MBTD1: variants seen among roughly 807,000 people sequenced by gnomAD.
MBTD1 encodes MBT domain-containing protein 1.
Under a neutral mutation model 87.8 loss-of-function variants are expected in MBTD1, and 24 were observed. That is an observed-to-expected ratio of 0.27 (90% CI 0.20 to 0.38). MBTD1 has a LOEUF of 0.38. Ranked by LOEUF, MBTD1 falls within the 10% of genes least tolerant of loss-of-function variation. MBTD1 has a pLI of 1.00. For synonymous variants in MBTD1, 237 were observed against 248.6 expected, an observed-to-expected ratio of 0.95 and a Z score of 0.44; for missense variants, 436 against 760.2, an observed-to-expected ratio of 0.57 and a Z score of 5.02.
At chr17:51,257,983 T>C (rs928691717) in intron 2 of MBTD1, among the ~76,000 whole-genome samples, 3 of 149,680 alleles carry the variant, frequency 2.0e-5, no homozygotes, top group African/African-American at 5.0e-5. Flanking sequence ...TAGAAGCTAC[T>C]TGTTATTCAG....
rs56750454 is a variant in MBTD1 at position 51,179,484 on chromosome 17, TTATATATATATATATATATATA to T, written c.*1070_*1091del. ...ATCCTGAATACAATTAAAGACAATTTTATATATATATATATATATATATATATATATATATATATATATATAT... is the reference window on the plus strand; with the variant it reads ...ATCCTGAATACAATTAAAGACAATTTTATATATATATATATATATATATAT... On this transcript the variant is annotated 3_prime_UTR_variant, in exon 17 of 17. Transcript: ENST00000586178. The T allele has an allele frequency of 0.013, 453 of 35,326 alleles. 30 individuals carry two copies. Among genetic ancestry groups the T allele is most frequent in the Non-Finnish European group, 0.019 (329 of 17,032 alleles). The allele number at this position is 35,326 out of a possible 1,614,324, so 2.2% of individuals were successfully genotyped here. A position where few individuals can be genotyped will look rare whatever the true frequency, so the allele number is the denominator to read the frequency against.
intron 12 of MBTD1, among the ~76,000 whole-genome samples, chr17:51,197,111 T>G (rs1240281247): frequency 1.8e-5 from 1 of 54,888 alleles, no homozygotes; most frequent in Non-Finnish European, 3.8e-5. Flanking sequence ...TATATATATA[T>G]ATATATGGAG....
At chr17:51,258,953 G>A (rs952662428) in intron 2 of MBTD1, among the ~76,000 whole-genome samples, 190 bp downstream of exon 2, 6 of 152,156 alleles carry the variant, frequency 3.9e-5, no homozygotes, top group Non-Finnish European at 5.9e-5. Flanking sequence ...TGAGCAGTGG[G>A]TGGGTGAGGA....
chr17:51,203,766 C>T (rs778351678), intron 8 of MBTD1, 25 bp downstream of exon 8: 39 of 1,593,178 alleles, frequency 2.4e-5, no homozygotes, highest in Non-Finnish European at 3.2e-5. Context: ...AAAAAAATTA[C>T]GGTAAGGGTA....
chr17:51,244,744 G>T (rs1257199479), intron 2 of MBTD1, among the ~76,000 whole-genome samples: 1 of 151,334 alleles, frequency 6.6e-6, no homozygotes, highest in African/African-American at 2.4e-5. Flanking sequence ...TCTTTTTTTT[G>T]AGGAATTCCT....
chr17:51,217,972 C>G (rs1262961381), intron 5 of MBTD1, among the ~76,000 whole-genome samples: 1 of 152,138 alleles, frequency 6.6e-6, no homozygotes, highest in African/African-American at 2.4e-5. Context: ...TTAAGGGGAA[C>G]AAAGAGAAGT....
At chr17:51,249,187 G>C (rs753627114) in intron 2 of MBTD1, among the ~76,000 whole-genome samples, 2 of 152,184 alleles carry the variant, frequency 1.3e-5, no homozygotes, top group Non-Finnish European at 2.9e-5. Context: ...CTGAGGCAGG[G>C]AGGTCAAGGC....
intron 6 of MBTD1, among the ~76,000 whole-genome samples, chr17:51,212,438 C>CTTT (rs59653419): frequency 7.3e-6 from 1 of 136,262 alleles, no homozygotes; most frequent in Non-Finnish European, 1.6e-5. Flanking sequence ...GTACAAATGA[C>CTTT]TTTTTTTTTT....
chr17:51,203,123 A>AT lies in MBTD1; in HGVS notation c.828+16_828+17insA. 6.3e-7 allele frequency: 1 copy of AT among 1,584,108 alleles called. No homozygotes were observed. Among genetic ancestry groups the AT allele is most frequent in the Non-Finnish European group, 8.6e-7 (1 of 1,162,804 alleles). ...TTTTTTAGAGCTCTTCAGTCTTTAT[A>AT]AGATCCTGTTTTTTACCTTTTGGGA... On this transcript the variant is annotated intron_variant, in intron 9 of 16. Coordinates refer to ENST00000586178, the MANE Select transcript of MBTD1 (RefSeq NM_017643.3).
chr17:51,190,185 C>T (rs1200810148), intron 16 of MBTD1, among the ~76,000 whole-genome samples: 1 of 152,206 alleles, frequency 6.6e-6, no homozygotes, highest in African/African-American at 2.4e-5. Context: ...TGAGGCAAAT[C>T]AGCACGTACC....
intron 16 of MBTD1, among the ~76,000 whole-genome samples, chr17:51,189,065 G>GT (rs934831603): frequency 6.6e-6 from 1 of 151,966 alleles, no homozygotes; most frequent in East Asian, 1.9e-4. Context: ...GCCTCAGGAA[G>GT]TTTTTTTAAA....
chr17:51,233,612 A>G (rs565801086), intron 2 of MBTD1, among the ~76,000 whole-genome samples: 1 of 152,272 alleles, frequency 6.6e-6, no homozygotes, highest in East Asian at 1.9e-4. Flanking sequence ...TCCAAAATCC[A>G]ATTAAGAGAT....
chr17:51,192,373 C>T, intron 15 of MBTD1, 93 bp from the exon 16 acceptor site: 2 of 879,838 alleles, frequency 2.3e-6, no homozygotes, highest in East Asian at 2.7e-5. Flanking sequence ...ACTATCTTTA[C>T]CAAGACCATT....
intron 3 of MBTD1, among the ~76,000 whole-genome samples, chr17:51,221,619 G>A (rs188784470): frequency 1.1e-3 from 168 of 151,220 alleles, no homozygotes; most frequent in African/African-American, 3.8e-3. Flanking sequence ...TCAACCAAAA[G>A]CAGACTGAAA....
intron 2 of MBTD1, among the ~76,000 whole-genome samples, chr17:51,239,502 T>C (rs543959354): frequency 6.6e-6 from 1 of 152,306 alleles, no homozygotes; most frequent in South Asian, 2.1e-4. Flanking sequence ...ACACGTATAT[T>C]TTTCCCTCTC....
chr17:51,183,620 T>A (rs533113661), intron 16 of MBTD1: 2 of 152,192 alleles, frequency 1.3e-5, no homozygotes, highest in Admixed American at 1.3e-4. Flanking sequence ...CAAACACCCA[T>A]CAGACTGTTC....
intron 12 of MBTD1, among the ~76,000 whole-genome samples, chr17:51,196,416 A>T (rs1437764669): frequency 6.7e-6 from 1 of 150,224 alleles, no homozygotes; most frequent in African/African-American, 2.4e-5. Flanking sequence ...TAGAGATGGG[A>T]TTTCATCATG....
intron 2 of MBTD1, among the ~76,000 whole-genome samples, chr17:51,238,993 G>A (rs1220904831): frequency 6.6e-6 from 1 of 151,942 alleles, no homozygotes; most frequent in Non-Finnish European, 1.5e-5. Flanking sequence ...CCAGCTACTC[G>A]GGAGGCAGAG....
At position 51,180,544 on chromosome 17, in the gene MBTD1, C is replaced by G; in HGVS notation, c.*32G>C. 1 of 1,189,674 alleles carries G rather than the reference C, an allele frequency of 8.4e-7. No homozygotes were observed. The highest frequency in any genetic ancestry group is 2.6e-5 in the East Asian group (1 of 39,200). The allele number at this position is 1,189,674 out of a possible 1,614,324, so 73.7% of individuals were successfully genotyped here. ...TTATAAATCAGTCCTGTGTAAAATC[C>G]TTCCCCACCCGCCCTCAGTTTCTAA... is the stretch of plus-strand genomic sequence containing the variant. On this transcript the variant is annotated 3_prime_UTR_variant, in exon 17 of 17. Transcript: ENST00000586178.
Sources: gnomAD v4.1 joint callset for allele counts (sites outside exome capture counted in the v4.1 genomes callset) on GRCh38, gnomAD v4.1.1 for gene constraint, MANE v1.5 for transcripts, NCBI Gene and HGNC (gene_info 2026-07-23, HGNC 2026-07-21) for gene names.